The following SORCS2 variants were observed in gnomAD, a reference collection of about 807,000 sequenced individuals.
The protein encoded by SORCS2 is VPS10 domain-containing receptor SorCS2.
A neutral mutation model predicts 141.6 loss-of-function variants in SORCS2; 100 were observed. The ratio of observed to expected loss-of-function variants is 0.71; its 90% CI spans 0.60 to 0.83. The LOEUF (loss-of-function observed/expected upper bound fraction) is 0.83. Among genes scored for constraint, SORCS2 ranks in the 40% least tolerant of loss-of-function variants. The probability of loss-of-function intolerance (pLI) is 0.00; values close to 1 mark genes in which losing one functional copy is unlikely to be tolerated. For synonymous variants in SORCS2, 789 were observed against 676.9 expected (o/e 1.17, Z -2.57); for missense variants, 1,646 against 1,560.2 (o/e 1.05, Z -0.93).
chr4:7,354,061 G>C (rs896933167), intron 1 of SORCS2, among the ~76,000 whole-genome samples: 1 of 152,112 alleles, frequency 6.6e-6, no homozygotes, highest in East Asian at 1.9e-4. Flanking sequence ...AACAGTTCTC[G>C]GCACTGGCTT....
intron 1 of SORCS2, among the ~76,000 whole-genome samples, chr4:7,340,437 G>C (rs1379366654): frequency 6.6e-6 from 1 of 152,228 alleles, no homozygotes; most frequent in Non-Finnish European, 1.5e-5. Flanking sequence ...GCGTGTCCTG[G>C]CGTTTTGTGG....
intron 1 of SORCS2, among the ~76,000 whole-genome samples, chr4:7,278,003 G>C (rs915139417): frequency 2.0e-5 from 3 of 152,200 alleles, no homozygotes; most frequent in African/African-American, 7.2e-5. Flanking sequence ...CTTGTCATTG[G>C]TAGTGGGCCT....
intron 20 of SORCS2, 64 bp from the exon 21 acceptor site, chr4:7,726,716 C>T (rs1727241571): frequency 6.3e-7 from 1 of 1,575,696 alleles, no homozygotes; most frequent in Non-Finnish European, 8.6e-7. Flanking sequence ...CGACCATAGG[C>T]CAGCGTCCCC....
chr4:7,426,035 C>A (rs1454669337), intron 2 of SORCS2, among the ~76,000 whole-genome samples: 1 of 152,182 alleles, frequency 6.6e-6, no homozygotes, highest in African/African-American at 2.4e-5. Context: ...GGGTCTTCTG[C>A]CCCGGGATGC....
intron 1 of SORCS2, among the ~76,000 whole-genome samples, chr4:7,381,264 C>T (rs73796665): frequency 3.9e-5 from 6 of 152,162 alleles, no homozygotes; most frequent in Admixed American, 1.3e-4. Flanking sequence ...GGGATGGCCG[C>T]TTTGACTCGC....
At chr4:7,318,602 T>C (rs750655030) in intron 1 of SORCS2, among the ~76,000 whole-genome samples, 1 of 152,176 alleles carries the variant, frequency 6.6e-6, no homozygotes, top group Admixed American at 6.5e-5. Flanking sequence ...GGGAGAAAGA[T>C]TAAACGAGCT....
intron 3 of SORCS2, among the ~76,000 whole-genome samples, chr4:7,568,038 C>G (rs1197498199): frequency 1.3e-5 from 2 of 152,208 alleles, no homozygotes; most frequent in Non-Finnish European, 2.9e-5. Context: ...CCAGGCTCAT[C>G]TGATATATTT....
intron 1 of SORCS2, among the ~76,000 whole-genome samples, chr4:7,218,994 TAGG>T (rs1728538319): frequency 1.2e-5 from 1 of 81,788 alleles, no homozygotes; most frequent in African/African-American, 6.7e-5. Flanking sequence ...TGGAATATGC[TAGG>T]CCCTTCCTAC....
chr4:7,275,417 C>T (rs1451050218), intron 1 of SORCS2, among the ~76,000 whole-genome samples: 1 of 152,148 alleles, frequency 6.6e-6, no homozygotes, highest in East Asian at 1.9e-4. Context: ...ATGTGTCTGG[C>T]TCAGGGCTGG....
At chr4:7,253,271 G>A (rs530293893) in intron 1 of SORCS2, among the ~76,000 whole-genome samples, 3 of 152,226 alleles carry the variant, frequency 2.0e-5, no homozygotes, top group Non-Finnish European at 2.9e-5. Context: ...CCTGAGCCTC[G>A]CCGGGGAGGA....
At chr4:7,716,239 C>A (rs1577110483) in intron 17 of SORCS2, among the ~76,000 whole-genome samples, 1 of 152,210 alleles carries the variant, frequency 6.6e-6, no homozygotes, top group Non-Finnish European at 1.5e-5. Context: ...CCATTACTTC[C>A]CCTGAGGGAA....
intron 3 of SORCS2, among the ~76,000 whole-genome samples, chr4:7,565,963 A>G (rs566435726): frequency 9.8e-6 from 1 of 102,124 alleles, no homozygotes; most frequent in African/African-American, 2.7e-5. Flanking sequence ...AGTGATGGTG[A>G]TGCTGTGATG....
intron 1 of SORCS2, among the ~76,000 whole-genome samples, chr4:7,211,103 C>T (rs1419761888): frequency 6.6e-6 from 1 of 152,098 alleles, no homozygotes; most frequent in Non-Finnish European, 1.5e-5. Flanking sequence ...TTTCTTAAGT[C>T]AATAAATTCT....
At chr4:7,528,868 G>A (rs1305212623) in intron 2 of SORCS2, among the ~76,000 whole-genome samples, 1 of 152,170 alleles carries the variant, frequency 6.6e-6, no homozygotes, top group Non-Finnish European at 1.5e-5. Context: ...CTCTGAGGGA[G>A]CCTCTGCCCC....
chr4:7,207,442 G>A (rs1052234427), intron 1 of SORCS2, among the ~76,000 whole-genome samples: 2 of 152,182 alleles, frequency 1.3e-5, no homozygotes, highest in African/African-American at 2.4e-5. Flanking sequence ...GGAGTGTGGC[G>A]GCCACCGTGG....
At chr4:7,465,734 A>G (rs763848518) in intron 2 of SORCS2, among the ~76,000 whole-genome samples, 3 of 152,252 alleles carry the variant, frequency 2.0e-5, no homozygotes, top group Admixed American at 6.5e-5. Context: ...ATAGTTACAC[A>G]TGTACAAGAG....
chr4:7,677,293 C>A (rs1431678087), intron 9 of SORCS2, among the ~76,000 whole-genome samples: 1 of 152,230 alleles, frequency 6.6e-6, no homozygotes, highest in African/African-American at 2.4e-5. Flanking sequence ...CCATCTGGAT[C>A]CCTGCAGCAG....
At chr4:7,368,854 T>C (rs985437884) in intron 1 of SORCS2, among the ~76,000 whole-genome samples, 1 of 152,124 alleles carries the variant, frequency 6.6e-6, no homozygotes, top group African/African-American at 2.4e-5. Context: ...TGGGGGCAGG[T>C]CTTTCCTGCA....
chr4:7,401,427 G>A (rs1390478377), intron 2 of SORCS2, among the ~76,000 whole-genome samples: 1 of 152,194 alleles, frequency 6.6e-6, no homozygotes, highest in South Asian at 2.1e-4. Context: ...TGCTGAGACC[G>A]AGAAGACCCT....
Sources: allele counts gnomAD v4.1 joint callset (sites outside exome capture counted in the v4.1 genomes callset), GRCh38; gene constraint gnomAD v4.1.1; transcripts MANE v1.5; gene names NCBI Gene and HGNC (gene_info 2026-07-23, HGNC 2026-07-21).